The following GATA4 variants were observed in gnomAD, a reference collection of about 807,000 sequenced individuals.
GATA4 encodes transcription factor GATA-4.
Under a neutral mutation model 37.9 loss-of-function variants are expected in GATA4, and 7 were observed. The observed-to-expected ratio is 0.18, with a 90% confidence interval of 0.11 to 0.35. The LOEUF (loss-of-function observed/expected upper bound fraction) is 0.35, where lower values mean the gene tolerates loss of function less well. Among genes scored for constraint, GATA4 ranks in the 10% least tolerant of loss-of-function variants. The pLI, the probability that GATA4 is intolerant of heterozygous loss-of-function variation, is 1.00. For missense variants in GATA4, 647 were observed against 653.0 expected (o/e 0.99, Z 0.10); for synonymous variants, 372 against 292.6 (o/e 1.27, Z -2.77).
intron 2 of GATA4, among the ~76,000 whole-genome samples, chr8:11,735,781 G>C (rs1801425102): frequency 6.6e-6 from 1 of 152,146 alleles, no homozygotes; most frequent in African/African-American, 2.4e-5. Flanking sequence ...GGCTGGTCTC[G>C]AACTCCCGAC....
upstream of GATA4, among the ~76,000 whole-genome samples, chr8:11,690,234 G>T (rs927947186): frequency 6.6e-6 from 1 of 152,228 alleles, no homozygotes; most frequent in African/African-American, 2.4e-5. Context: ...AGACCATGGC[G>T]CCCGTGTCTC....
Position 11,738,300 on chromosome 8 carries a change from A to G in GATA4, c.617-10616A>G, listed in dbSNP as rs141840776. 1.1e-3 allele frequency among the ~76,000 whole-genome samples: 163 copies of G among 152,056 alleles called. 1 individual carries two copies. The highest frequency in any genetic ancestry group is 3.7e-3 in the African/African-American group (154 of 41,506). ...AAGTCCTTCCGTGAGCCACCAAGAC[A>G]CCTCCCTGGAAACAACCAGCATGAT... On this transcript the variant is annotated intron_variant, in intron 2 of 6. Transcript: ENST00000532059.
chr8:11,704,899 C>A (rs1200403330), intron 1 of GATA4, among the ~76,000 whole-genome samples: 1 of 152,352 alleles, frequency 6.6e-6, no homozygotes, highest in East Asian at 1.9e-4. Flanking sequence ...GGACTGAATG[C>A]TCCTCTGGAA....
intron 1 of GATA4, chr8:11,698,048 C>T (rs1023521727): frequency 1.3e-5 from 13 of 979,894 alleles, no homozygotes; most frequent in Non-Finnish European, 1.6e-5. Flanking sequence ...TCGTCCCGGT[C>T]GGGTTCTCTC....
chr8:11,681,164 A>G (rs1024260914), intron 1 of GATA4: 7 of 985,402 alleles, frequency 7.1e-6, no homozygotes, highest in Non-Finnish European at 8.4e-6. Flanking sequence ...TTCTGTTCGC[A>G]GAACCTTCGG....
chr8:11,680,213 C>T (rs1798911316), intron 1 of GATA4, among the ~76,000 whole-genome samples: 3 of 152,230 alleles, frequency 2.0e-5, no homozygotes, highest in South Asian at 2.1e-4. Context: ...AATGTCCCGA[C>T]CCCCGGCTCA....
At chr8:11,681,657 T>C (rs1221966507) in intron 1 of GATA4, among the ~76,000 whole-genome samples, 1 of 152,230 alleles carries the variant, frequency 6.6e-6, no homozygotes, top group Non-Finnish European at 1.5e-5. Context: ...CCTCCTTGCC[T>C]TTTTTCATCC....
chr8:11,752,178 G>A (rs1802335105), intron 4 of GATA4, among the ~76,000 whole-genome samples: 1 of 152,198 alleles, frequency 6.6e-6, no homozygotes. Flanking sequence ...TATGTAGCAT[G>A]ACCCCATACT....
chr8:11,682,686 A>G (rs1264983629), intron 1 of GATA4, among the ~76,000 whole-genome samples: 1 of 152,252 alleles, frequency 6.6e-6, no homozygotes, highest in African/African-American at 2.4e-5. Flanking sequence ...ATTCAGAAGG[A>G]AGATGTGAAA....
At chr8:11,737,944 C>A (rs1395190164) in intron 2 of GATA4, among the ~76,000 whole-genome samples, 1 of 152,024 alleles carries the variant, frequency 6.6e-6, no homozygotes, top group African/African-American at 2.4e-5. Context: ...GCTTTGGGAG[C>A]CCGAGCCTGG....
Position 11,758,587 on chromosome 8 carries a change from G to T in GATA4, c.*112G>T. Reference sequence around the variant, plus strand: ...CCTCCTCTGCCTGGTAATGACTCCAGAACAACAACTGGGAAGAAACTTGAA... The same window carrying T: ...CCTCCTCTGCCTGGTAATGACTCCATAACAACAACTGGGAAGAAACTTGAA... On this transcript the variant is annotated 3_prime_UTR_variant, in exon 7 of 7. Coordinates refer to ENST00000532059, the MANE Select transcript of GATA4 (RefSeq NM_001308093.3). 1 of 1,024,532 alleles carries T rather than the reference G, an allele frequency of 9.8e-7. No homozygotes were observed. Among genetic ancestry groups the T allele is most frequent in the South Asian group, 1.3e-5 (1 of 77,296 alleles). The allele number at this position is 1,024,532 out of a possible 1,614,324, so 63.5% of individuals were successfully genotyped here.
intron 2 of GATA4, among the ~76,000 whole-genome samples, chr8:11,732,449 A>G (rs1451045394): frequency 6.6e-6 from 1 of 152,218 alleles, no homozygotes; most frequent in East Asian, 1.9e-4. Flanking sequence ...TAAATGTTTG[A>G]TTTGCTTGGC....
chr8:11,679,678 G>C (rs578021677), intron 1 of GATA4, among the ~76,000 whole-genome samples: 1 of 152,216 alleles, frequency 6.6e-6, no homozygotes, highest in African/African-American at 2.4e-5. Context: ...GGCGAGCCCT[G>C]AGTGGGCCGG....
At chr8:11,711,264 A>G (rs1800169953) in intron 2 of GATA4, among the ~76,000 whole-genome samples, 1 of 152,174 alleles carries the variant, frequency 6.6e-6, no homozygotes, top group African/African-American at 2.4e-5. Context: ...CTCTGCCAAG[A>G]ACTGCCACCT....
At chr8:11,704,922 A>C (rs1050106448) in intron 1 of GATA4, among the ~76,000 whole-genome samples, 1 of 152,158 alleles carries the variant, frequency 6.6e-6, no homozygotes, top group Admixed American at 6.5e-5. Flanking sequence ...TCACCACCCC[A>C]CCTGCCCGCG....
At chr8:11,723,315 C>G (rs979850797) in intron 2 of GATA4, among the ~76,000 whole-genome samples, 27 of 151,720 alleles carry the variant, frequency 1.8e-4, no homozygotes, top group African/African-American at 6.1e-4. Context: ...ATGGTCCAAC[C>G]ACTGCAATCA....
intron 1 of GATA4, among the ~76,000 whole-genome samples, chr8:11,694,160 T>C (rs1799432352): frequency 1.3e-5 from 2 of 152,238 alleles, no homozygotes. Flanking sequence ...TAGAAACTTG[T>C]GTTCATCCTT....
intron 1 of GATA4, chr8:11,681,172 C>T: frequency 1.0e-6 from 1 of 985,350 alleles, no homozygotes; most frequent in Non-Finnish European, 1.2e-6. Context: ...GCAGAACCTT[C>T]GGGGGTTAGT....
At chr8:11,681,148 G>T (rs1434682554) in intron 1 of GATA4, 3 of 985,286 alleles carry the variant, frequency 3.0e-6, no homozygotes, top group Non-Finnish European at 3.6e-6. Context: ...GGAATCTCCA[G>T]CTCCGTTCTG....
Sources: gnomAD v4.1 joint callset for allele counts (sites outside exome capture counted in the v4.1 genomes callset) on GRCh38, gnomAD v4.1.1 for gene constraint, MANE v1.5 for transcripts, NCBI Gene and HGNC (gene_info 2026-07-23, HGNC 2026-07-21) for gene names.